Variants in PIK3R3 observed in about 807,000 individuals in gnomAD.
The protein encoded by PIK3R3 is phosphoinositide-3-kinase regulatory subunit 3, also known as phosphatidylinositol 3-kinase regulatory subunit gamma.
A neutral mutation model predicts 62.9 loss-of-function variants in PIK3R3; 64 were observed. The ratio of observed to expected loss-of-function variants is 1.02; its 90% CI spans 0.83 to 1.25. The LOEUF (loss-of-function observed/expected upper bound fraction) is 1.25, where lower values mean the gene tolerates loss of function less well. Among genes scored for constraint, PIK3R3 ranks in the 50% most tolerant of loss-of-function variants. PIK3R3 has a pLI of 0.00. For synonymous variants in PIK3R3, 165 were observed against 189.0 expected (o/e 0.87, Z 1.04); for missense variants, 614 against 561.6 (o/e 1.09, Z -0.94).
At chr1:46,093,958 G>A (rs1651879761) in intron 1 of PIK3R3, among the ~76,000 whole-genome samples, 1 of 151,254 alleles carries the variant, frequency 6.6e-6, no homozygotes, top group African/African-American at 2.4e-5. Flanking sequence ...AGTCCCAGCT[G>A]TTTAGGAGGC....
chr1:46,136,070 CTT>C (rs571080588), upstream of PIK3R3, among the ~76,000 whole-genome samples: 1,059 of 124,178 alleles, frequency 8.5e-3, 12 homozygotes, highest in African/African-American at 0.031. Flanking sequence ...TGGAAATATA[CTT>C]TTTTTTTTTT....
the PIK3R3 span, among the ~76,000 whole-genome samples, chr1:46,146,314 A>C: frequency 6.6e-6 from 1 of 152,186 alleles, no homozygotes; most frequent in Non-Finnish European, 1.5e-5. Context: ...GGGCTGTGCT[A>C]TCAGTGGTAA....
intron 1 of PIK3R3, among the ~76,000 whole-genome samples, chr1:46,107,720 C>G (rs1332784617): frequency 2.0e-5 from 3 of 152,194 alleles, no homozygotes; most frequent in African/African-American, 7.2e-5. Context: ...TTGAACTTCT[C>G]TAGCACTTGG....
At chr1:46,125,330 G>GT (rs1206034720) in intron 1 of PIK3R3, among the ~76,000 whole-genome samples, 5 of 151,916 alleles carry the variant, frequency 3.3e-5, no homozygotes, top group African/African-American at 1.2e-4. Flanking sequence ...ATAAGCATTT[G>GT]TCCCAAACGA....
At chr1:46,065,689 G>T (rs1648919614) in intron 5 of PIK3R3, among the ~76,000 whole-genome samples, 1 of 152,202 alleles carries the variant, frequency 6.6e-6, no homozygotes, top group South Asian at 2.1e-4. Flanking sequence ...TGTGATGGCT[G>T]ATATTAGAGT....
At chr1:46,160,657 T>A in the PIK3R3 span, among the ~76,000 whole-genome samples, 1 of 152,236 alleles carries the variant, frequency 6.6e-6, no homozygotes, top group Non-Finnish European at 1.5e-5. Context: ...GAACTACATT[T>A]TTCAGCTTCA....
rs770637954 is a variant in PIK3R3 at position 46,128,044 on chromosome 1, G to GA, written c.106+3802dup. On this transcript the variant is annotated intron_variant, in intron 1 of 9. Coordinates refer to ENST00000262741, the MANE Select transcript of PIK3R3 (RefSeq NM_003629.4). ...AGGATGCACAACAATGTTAGTTATT[G>GA]AAAAGATAGGCTAGAGGGAAACATC... 1.1e-4 allele frequency among the ~76,000 whole-genome samples: 17 copies of GA among 152,294 alleles called. No homozygotes were observed. The East Asian group carries it at 2.7e-3, about 24-fold the overall frequency.
At chr1:46,132,933 T>C (rs541079929), upstream of PIK3R3, 4 of 1,163,036 alleles carry the variant, frequency 3.4e-6, no homozygotes, top group Non-Finnish European at 3.2e-6. Flanking sequence ...ATCCGGGCGC[T>C]GGCCGCACTC....
At chr1:46,158,382 G>A in the PIK3R3 span, among the ~76,000 whole-genome samples, 96 of 152,266 alleles carry the variant, frequency 6.3e-4, 1 homozygote, top group Non-Finnish European at 5.3e-4. Flanking sequence ...GCATGCTAGC[G>A]TCTCACGCCT....
At chr1:46,113,317 T>G (rs1653900071) in intron 1 of PIK3R3, among the ~76,000 whole-genome samples, 1 of 120,634 alleles carries the variant, frequency 8.3e-6, no homozygotes, top group African/African-American at 3.0e-5. Context: ...TTTTTTTTTT[T>G]GAGACAAGGT....
At chr1:46,107,662 T>C (rs746035883) in intron 1 of PIK3R3, among the ~76,000 whole-genome samples, 5 of 152,194 alleles carry the variant, frequency 3.3e-5, no homozygotes, top group Non-Finnish European at 5.9e-5. Flanking sequence ...CAAGTTCAAA[T>C]ATGATTATCT....
intron 6 of PIK3R3, among the ~76,000 whole-genome samples, chr1:46,061,436 A>G (rs1159626420): frequency 6.6e-6 from 1 of 152,176 alleles, no homozygotes; most frequent in African/African-American, 2.4e-5. Flanking sequence ...TTCTACTACA[A>G]TTTATTCTCA....
intron 1 of PIK3R3, 48 bp from the exon 2 acceptor site, chr1:46,080,798 T>C (rs1324205262): frequency 3.8e-6 from 5 of 1,310,530 alleles, no homozygotes; most frequent in Non-Finnish European, 5.5e-6. Flanking sequence ...TATTTACTGT[T>C]TTCTAATTTC....
the PIK3R3 span, among the ~76,000 whole-genome samples, chr1:46,155,725 G>T: frequency 6.6e-6 from 1 of 152,096 alleles, no homozygotes; most frequent in Non-Finnish European, 1.5e-5. Flanking sequence ...GCCTCCCAAA[G>T]TGCTGAGATT....
At position 46,064,316 on chromosome 1, in the gene PIK3R3, G is replaced by A. The variant is rs901108911; in HGVS notation, c.621+1738C>T. Reference sequence around the variant, plus strand: ...AGCACTTTGGGAGGCCGAGATGGGCGGATCACCTGAGGTCAGGAGTTTGAT... The same window carrying A: ...AGCACTTTGGGAGGCCGAGATGGGCAGATCACCTGAGGTCAGGAGTTTGAT... On this transcript the variant is annotated intron_variant, in intron 5 of 9. Coordinates refer to ENST00000262741, the MANE Select transcript of PIK3R3 (RefSeq NM_003629.4). Among the ~76,000 whole-genome samples, 5 of 152,070 alleles carry A rather than the reference G, an allele frequency of 3.3e-5. No homozygotes were observed. In the East Asian group the frequency reaches 5.8e-4, roughly 18 times the overall value.
intron 1 of PIK3R3, among the ~76,000 whole-genome samples, chr1:46,115,185 A>G (rs1654079891): frequency 6.6e-6 from 1 of 152,226 alleles, no homozygotes; most frequent in Non-Finnish European, 1.5e-5. Flanking sequence ...GGGTAAAGCC[A>G]AGAGAATTAT....
chr1:46,096,107 G>C (rs936612392), intron 1 of PIK3R3, among the ~76,000 whole-genome samples: 1 of 152,168 alleles, frequency 6.6e-6, no homozygotes, highest in African/African-American at 2.4e-5. Context: ...ATATGTTCTA[G>C]GGCTTCTCCA....
intron 1 of PIK3R3, among the ~76,000 whole-genome samples, chr1:46,087,891 G>A (rs1651239486): frequency 2.0e-5 from 3 of 152,136 alleles, no homozygotes; most frequent in Admixed American, 6.5e-5. Flanking sequence ...CCTACATGAG[G>A]CTACTAAAGT....
At chr1:46,081,784 T>C (rs1007174719) in intron 1 of PIK3R3, among the ~76,000 whole-genome samples, 1 of 152,004 alleles carries the variant, frequency 6.6e-6, no homozygotes, top group Admixed American at 6.6e-5. Flanking sequence ...AGGGACAGAA[T>C]AGAGCAAGTA....
Sources: gnomAD v4.1 joint callset for allele counts (sites outside exome capture counted in the v4.1 genomes callset) on GRCh38, gnomAD v4.1.1 for gene constraint, MANE v1.5 for transcripts, NCBI Gene and HGNC (gene_info 2026-07-23, HGNC 2026-07-21) for gene names.